Variants in ITSN2 observed in about 807,000 individuals in gnomAD.
ITSN2 encodes the protein intersectin 2, also known as intersectin-2.
A neutral mutation model predicts 243.7 loss-of-function variants in ITSN2; 156 were observed. The ratio of observed to expected loss-of-function variants is 0.64; its 90% CI spans 0.56 to 0.73. ITSN2 has a LOEUF of 0.73. Among genes scored for constraint, ITSN2 ranks in the 30% least tolerant of loss-of-function variants. The probability of loss-of-function intolerance (pLI) is 0.00; values close to 1 mark genes in which losing one functional copy is unlikely to be tolerated. For missense variants in ITSN2, 1,801 were observed against 1,996.1 expected (o/e 0.90, Z 1.86); for synonymous variants, 703 against 699.9 (o/e 1.00, Z -0.07).
At chr2:24,220,324 G>T (rs1670325320) in intron 30 of ITSN2, 8 of 985,214 alleles carry the variant, frequency 8.1e-6, no homozygotes, top group African/African-American at 7.0e-5. Flanking sequence ...AGGTATAGTA[G>T]AAATGGAAAG....
At chr2:24,246,470 C>T in intron 28 of ITSN2, 150 bp from the exon 29 acceptor site, 1 of 505,610 alleles carries the variant, frequency 2.0e-6, no homozygotes, top group South Asian at 4.3e-5. Flanking sequence ...TTCTCACCCT[C>T]CTTCCCCTAT....
Position 24,209,146 on chromosome 2 carries a change from GGGA to G in ITSN2, c.4546_4548del (p.Ser1516del), listed in dbSNP as rs1558425397. ...CGGAGGGTGTAGACCCGATCAATGTGGGAAATGTGGAAGACAGGCTCATCGCTG... is the reference window on the plus strand; with the variant it reads ...CGGAGGGTGTAGACCCGATCAATGTGAATGTGGAAGACAGGCTCATCGCTG... On this transcript the variant is annotated inframe_deletion, in exon 36 of 40. Coordinates refer to ENST00000355123, the MANE Select transcript of ITSN2 (RefSeq NM_006277.3). 6.2e-7 allele frequency: 1 copy of G among 1,614,070 alleles called. No individual in the cohort carries two copies. The highest frequency in any genetic ancestry group is 8.5e-7 in the Non-Finnish European group (1 of 1,179,972).
chr2:24,258,233 C>A (rs965590361), intron 22 of ITSN2, 140 bp from the exon 23 acceptor site: 2 of 632,062 alleles, frequency 3.2e-6, no homozygotes, highest in Non-Finnish European at 5.5e-6. Flanking sequence ...AGTCTACTAA[C>A]TGACTTTAAA....
At chr2:24,323,031 G>T (rs976944997) in intron 2 of ITSN2, among the ~76,000 whole-genome samples, 4 of 151,638 alleles carry the variant, frequency 2.6e-5, no homozygotes, top group Non-Finnish European at 5.9e-5. Context: ...ATGTCTATTA[G>T]CATGTCTGAA....
At chr2:24,223,126 A>G (rs1204954808) in intron 29 of ITSN2, among the ~76,000 whole-genome samples, 1 of 152,224 alleles carries the variant, frequency 6.6e-6, no homozygotes, top group Non-Finnish European at 1.5e-5. Flanking sequence ...TGAAGTAGGG[A>G]AGACCTTCTG....
chr2:24,263,119 T>C (rs1380154713), intron 20 of ITSN2, among the ~76,000 whole-genome samples: 1 of 152,214 alleles, frequency 6.6e-6, no homozygotes, highest in Non-Finnish European at 1.5e-5. Flanking sequence ...ATACATTATA[T>C]ATGCATAATG....
intron 29 of ITSN2, among the ~76,000 whole-genome samples, chr2:24,229,166 T>C (rs948023149): frequency 7.9e-5 from 12 of 152,184 alleles, no homozygotes; most frequent in Admixed American, 4.6e-4. Context: ...AAAACTGACA[T>C]ATCTATAATC....
chr2:24,208,208 T>C (rs1158150413), intron 37 of ITSN2, 29 bp downstream of exon 37: 1 of 1,593,812 alleles, frequency 6.3e-7, no homozygotes, highest in Admixed American at 1.7e-5. Context: ...CCCTGGGGGC[T>C]GCGTCCCACC....
chr2:24,318,559 C>T (rs1684195604), intron 2 of ITSN2, among the ~76,000 whole-genome samples: 1 of 152,192 alleles, frequency 6.6e-6, no homozygotes. Context: ...ATAGTGTGGT[C>T]ACTGACTGTA....
intron 39 of ITSN2, 129 bp from the exon 40 acceptor site, chr2:24,203,912 G>A (rs1034526375): frequency 4.3e-5 from 41 of 953,916 alleles, no homozygotes; most frequent in South Asian, 2.8e-4. Flanking sequence ...GCTCATGGCT[G>A]TTGAATGTCG....
At chr2:24,319,083 T>C (rs957579539) in intron 2 of ITSN2, among the ~76,000 whole-genome samples, 1 of 152,150 alleles carries the variant, frequency 6.6e-6, no homozygotes, top group African/African-American at 2.4e-5. Flanking sequence ...CACAAATCTG[T>C]GGAAAAATTG....
chr2:24,285,095 C>T (rs1574148214), intron 16 of ITSN2, among the ~76,000 whole-genome samples: 1 of 152,070 alleles, frequency 6.6e-6, no homozygotes, highest in South Asian at 2.1e-4. Flanking sequence ...TGGGGTTTCA[C>T]CATGTTGCCC....
At position 24,293,679 on chromosome 2, in the gene ITSN2, G is replaced by A; in HGVS notation, c.1723+9C>T. 1.1e-6 allele frequency: 1 copy of A among 948,600 alleles called. No individual in the cohort carries two copies. The highest frequency in any genetic ancestry group is 1.6e-5 in the South Asian group (1 of 63,186). The allele number at this position is 948,600 out of a possible 1,614,324, so 58.8% of individuals were successfully genotyped here. ...GATAAAAGTAATCAGACAAACCTTAGAGACTTACCAGGTGTGTTACTGAAC... is the reference window on the plus strand; with the variant it reads ...GATAAAAGTAATCAGACAAACCTTAAAGACTTACCAGGTGTGTTACTGAAC... On this transcript the variant is annotated intron_variant, in intron 15 of 39. Transcript: ENST00000355123.
chr2:24,337,357 ATT>A (rs1251488462), intron 1 of ITSN2, among the ~76,000 whole-genome samples: 2 of 13,662 alleles, frequency 1.5e-4, no homozygotes, highest in African/African-American at 3.5e-4. Flanking sequence ...TATATATGTA[ATT>A]TTTTTTTTTA....
intron 1 of ITSN2, chr2:24,334,492 C>T (rs1686135403): frequency 4.4e-6 from 3 of 687,930 alleles, no homozygotes; most frequent in South Asian, 4.1e-5. Flanking sequence ...ACTTTCCGTG[C>T]CAATAGCGCT....
chr2:24,348,857 T>TA (rs1687788733), intron 1 of ITSN2, among the ~76,000 whole-genome samples: 1 of 152,220 alleles, frequency 6.6e-6, no homozygotes, highest in African/African-American at 2.4e-5. Flanking sequence ...TGAAGTTTTT[T>TA]AAAAAATTAC....
chr2:24,290,647 TAGAG>T (rs144233861), intron 15 of ITSN2, among the ~76,000 whole-genome samples: 1,675 of 152,306 alleles, frequency 0.011, 27 homozygotes, highest in African/African-American at 0.039. Context: ...TTTCTGTACA[TAGAG>T]AGCGGTAAAG....
At chr2:24,355,705 T>C (rs571738688) in intron 1 of ITSN2, among the ~76,000 whole-genome samples, 276 of 152,290 alleles carry the variant, frequency 1.8e-3, no homozygotes, top group African/African-American at 6.5e-3. Context: ...CCAAAAGCAA[T>C]TGCAACAAAA....
Position 24,272,921 on chromosome 2 carries a change from G to A in ITSN2, c.2082-980C>T, listed in dbSNP as rs374637733. ...AGTATTAGAACTCATGCATCTTATA[G>A]TTCTCCTTTGCATGTATTTTCACAA... On this transcript the variant is annotated intron_variant, in intron 18 of 39. Transcript: ENST00000355123. 2.4e-4 allele frequency among the ~76,000 whole-genome samples: 36 copies of A among 152,188 alleles called. No homozygotes were observed. In the East Asian group the frequency reaches 3.1e-3, roughly 13 times the overall value.
Sources: allele counts gnomAD v4.1 joint callset (sites outside exome capture counted in the v4.1 genomes callset), GRCh38; gene constraint gnomAD v4.1.1; transcripts MANE v1.5; gene names NCBI Gene and HGNC (gene_info 2026-07-23, HGNC 2026-07-21).